The following TIMM44 variants were observed in gnomAD, a reference collection of about 807,000 sequenced individuals.
TIMM44 encodes the protein translocase of inner mitochondrial membrane 44.
TIMM44 carries 37 observed loss-of-function variants against 63.8 expected under a neutral mutation model. The ratio of observed to expected loss-of-function variants is 0.58; its 90% CI spans 0.45 to 0.76. TIMM44 has a LOEUF of 0.76. Ranked by LOEUF, TIMM44 falls within the 30% of genes least tolerant of loss-of-function variation. The pLI is 0.00. For missense variants in TIMM44, 573 were observed against 603.8 expected (o/e 0.95, Z 0.54); for synonymous variants, 239 against 245.1 (o/e 0.98, Z 0.23).
chr19:7,935,468 C>T (rs565507301), intron 3 of TIMM44, among the ~76,000 whole-genome samples: 9 of 152,188 alleles, frequency 5.9e-5, no homozygotes, highest in Admixed American at 2.0e-4. Context: ...CCTGGCCAAC[C>T]GTTGTGTCTT....
At chr19:7,929,075 A>G (rs1489723337) in intron 10 of TIMM44, 1 of 152,256 alleles carries the variant, frequency 6.6e-6, no homozygotes. Flanking sequence ...GAATAGAATT[A>G]GCCAAGAACG....
intron 1 of TIMM44, among the ~76,000 whole-genome samples, chr19:7,942,370 G>T (rs556925486): frequency 6.6e-6 from 1 of 151,912 alleles, no homozygotes; most frequent in East Asian, 1.9e-4. Context: ...CGGAAGGATC[G>T]TTTGAGCTCA....
rs566890278 is a variant in TIMM44, at chr19:7,927,017, G to A, written c.*170C>T. The A allele has an allele frequency of 9.4e-6, 9 of 957,314 alleles. No homozygotes were observed. In the East Asian group the frequency reaches 1.4e-4, roughly 14 times the overall value. 59.3% of individuals were successfully genotyped at this position (957,314 alleles called of 1,614,324 possible). A position where few individuals can be genotyped will look rare whatever the true frequency, so the allele number is the denominator to read the frequency against. On this transcript the variant is annotated 3_prime_UTR_variant, in exon 13 of 13. Coordinates refer to ENST00000270538, the MANE Select transcript of TIMM44 (RefSeq NM_006351.4). ...GAGTGTCTCCAGCTGCCGCGCACCC[G>A]CAACAGCCCGTTGTCCCCTCCCGGG...
chr19:7,932,026 G>A (rs1268115940), intron 9 of TIMM44, among the ~76,000 whole-genome samples: 1 of 152,224 alleles, frequency 6.6e-6, no homozygotes, highest in Non-Finnish European at 1.5e-5. Flanking sequence ...CAGAGGCCTG[G>A]CCCGACTGGG....
At chr19:7,940,778 T>A (rs1810252596) in intron 2 of TIMM44, among the ~76,000 whole-genome samples, 1 of 152,008 alleles carries the variant, frequency 6.6e-6, no homozygotes, top group South Asian at 2.1e-4. Flanking sequence ...CTATGCTTGG[T>A]GAGGTACCCA....
rs140191882 is a variant in TIMM44, at chr19:7,941,102, C to T, written c.141G>A (p.Leu47=). ...GGCCCGAGCATCCTGAGTCACTCAC[C>T]AGTGGCAGCTCTCCGCCCGGCCGGC... is the stretch of plus-strand genomic sequence containing the variant. ...QMRRPGGELP[L]SKSYSSGNRK... Residue 47 remains leucine (L), a splice_region_variant and synonymous_variant, in exon 2 of 13, where the codon CTG becomes CTA. Coordinates refer to ENST00000270538, the MANE Select transcript of TIMM44 (RefSeq NM_006351.4). 5.6e-6 allele frequency: 9 copies of T among 1,613,648 alleles called. No individual in the cohort carries two copies. Among genetic ancestry groups the T allele is most frequent in the Non-Finnish European group, 6.8e-6 (8 of 1,179,676 alleles).
intron 3 of TIMM44, chr19:7,937,681 A>G (rs1984194296): frequency 3.6e-5 from 12 of 331,328 alleles, no homozygotes; most frequent in South Asian, 3.0e-4. Context: ...CCTGGCCTGG[A>G]GAAACCCTGG....
In TIMM44 at chr19:7,927,103, G is replaced by C; in HGVS notation, c.*84C>G. The C allele has an allele frequency of 6.5e-7, 1 of 1,528,364 alleles. No homozygotes were observed. Among genetic ancestry groups the C allele is most frequent in the Non-Finnish European group, 8.8e-7 (1 of 1,138,676 alleles). 94.7% of individuals were successfully genotyped at this position (1,528,364 alleles called of 1,614,324 possible). On this transcript the variant is annotated 3_prime_UTR_variant, in exon 13 of 13. Coordinates refer to ENST00000270538, the MANE Select transcript of TIMM44 (RefSeq NM_006351.4). ...GGCAGAGCCCGCAGTCTTGTTCCCA[G>C]AGGTCTGGAGTTGCCGCAGGTGGTG...
At chr19:7,937,174 G>C (rs912688724) in intron 3 of TIMM44, among the ~76,000 whole-genome samples, 1 of 151,964 alleles carries the variant, frequency 6.6e-6, no homozygotes, top group South Asian at 2.1e-4. Flanking sequence ...AGCTATCCGG[G>C]AGGCTGAGGC....
chr19:7,939,782 G>A (rs962403370), intron 2 of TIMM44, among the ~76,000 whole-genome samples: 2 of 152,062 alleles, frequency 1.3e-5, no homozygotes, highest in South Asian at 2.1e-4. Flanking sequence ...CAGGTGTGGC[G>A]GCGCCTGCCT....
rs190226860 is a variant in TIMM44 at position 7,934,990 on chromosome 19, G to A, written c.393+75C>T. The A allele has an allele frequency of 9.1e-5, 129 of 1,413,154 alleles. No individual in the cohort carries two copies. In the East Asian group the frequency reaches 2.4e-3, roughly 26 times the overall value. The allele number at this position is 1,413,154 out of a possible 1,614,324, so 87.5% of individuals were successfully genotyped here. Reference sequence around the variant, plus strand: ...GCCAAGCCACCCCCACCCAGGAGCCGACTCTTCCTCCAGCCTCCAGCGGCC... The same window carrying A: ...GCCAAGCCACCCCCACCCAGGAGCCAACTCTTCCTCCAGCCTCCAGCGGCC... On this transcript the variant is annotated intron_variant, in intron 4 of 12. Coordinates refer to ENST00000270538, the MANE Select transcript of TIMM44 (RefSeq NM_006351.4). This position sits in a 1 kb window ranked among gnomAD's most constrained non-coding sequence, Gnocchi z 5.3.
intron 10 of TIMM44, among the ~76,000 whole-genome samples, chr19:7,930,303 C>CTTTT (rs71179159): frequency 9.1e-6 from 1 of 109,480 alleles, no homozygotes; most frequent in East Asian, 2.5e-4. Context: ...ATGCTTGGCT[C>CTTTT]TTTTTTTTTT....
Position 7,927,316 on chromosome 19 carries a change from G to C in TIMM44, c.1240-10C>G, listed in dbSNP as rs746119853. On this transcript the variant is annotated splice_polypyrimidine_tract_variant and intron_variant, in intron 12 of 12. Transcript: ENST00000270538. Reference sequence around the variant, plus strand: ...TCCGCAGCACCTTGTCCTGCAGGGTGGGGTGGGAAGGGCACTGTTGAGAGG... The same window carrying C: ...TCCGCAGCACCTTGTCCTGCAGGGTCGGGTGGGAAGGGCACTGTTGAGAGG... 2 of 1,609,226 alleles carry C rather than the reference G, an allele frequency of 1.2e-6. No homozygotes were observed. The highest frequency in any genetic ancestry group is 1.7e-6 in the Non-Finnish European group (2 of 1,179,948).
chr19:7,941,391 G>A (rs533008321), intron 1 of TIMM44, among the ~76,000 whole-genome samples, 194 bp from the exon 2 acceptor site: 3 of 151,504 alleles, frequency 2.0e-5, no homozygotes, highest in African/African-American at 2.4e-5. Context: ...GGGTTCAAGC[G>A]ATTCTCCTGC....
chr19:7,942,101 C>G (rs992089146), intron 1 of TIMM44, among the ~76,000 whole-genome samples: 4 of 152,198 alleles, frequency 2.6e-5, no homozygotes, highest in African/African-American at 9.6e-5. Context: ...GTAATCCCAA[C>G]ACGTTGGGAG....
chr19:7,942,723 G>A (rs1479109210), intron 1 of TIMM44, among the ~76,000 whole-genome samples: 3 of 150,356 alleles, frequency 2.0e-5, no homozygotes, highest in Non-Finnish European at 3.0e-5. Flanking sequence ...TAAAGTGGCA[G>A]GATCTCGGCT....
In TIMM44 at chr19:7,933,702, C is replaced by T. The variant is rs78845055; in HGVS notation, c.684-132G>A. 241,979 of 1,300,732 alleles carry T rather than the reference C, an allele frequency of 0.19. 26,009 individuals carry two copies. The highest frequency in any genetic ancestry group is 0.22 in the Non-Finnish European group (200,364 of 904,958). The allele number at this position is 1,300,732 out of a possible 1,614,324, so 80.6% of individuals were successfully genotyped here. ...TCAAACCTAGGGGCTCTGAGGACCCCGCCCTCACCTCTCACCCTCAAATTC... is the reference window on the plus strand; with the variant it reads ...TCAAACCTAGGGGCTCTGAGGACCCTGCCCTCACCTCTCACCCTCAAATTC... On this transcript the variant is annotated intron_variant, in intron 6 of 12. Transcript: ENST00000270538. This position sits in a 1 kb window ranked among gnomAD's most constrained non-coding sequence, Gnocchi z 4.3.
chr19:7,935,550 A>G (rs536707113), intron 3 of TIMM44, among the ~76,000 whole-genome samples: 263 of 152,272 alleles, frequency 1.7e-3, no homozygotes, highest in African/African-American at 5.8e-3. Flanking sequence ...TCTTCTCCGC[A>G]GCCCCTCCCT....
chr19:7,943,257 G>A lies in TIMM44; in HGVS notation c.45+350C>T, dbSNP rs1485597296. Among the ~76,000 whole-genome samples the A allele has an allele frequency of 6.6e-6, 1 of 152,100 alleles. No homozygotes were observed. Among genetic ancestry groups the A allele is most frequent in the African/African-American group, 2.4e-5 (1 of 41,422 alleles). Reference sequence around the variant, plus strand: ...AGAACTTGGCATTTAACCGCGAGCTGTGAATTTCACGTTTTTTTGCCTTCC... The same window carrying A: ...AGAACTTGGCATTTAACCGCGAGCTATGAATTTCACGTTTTTTTGCCTTCC... On this transcript the variant is annotated intron_variant, in intron 1 of 12. Transcript: ENST00000270538. The surrounding 1 kb of genome is among the most constrained non-coding windows in gnomAD (Gnocchi z 4.3).
Sources: gnomAD v4.1 joint callset for allele counts (sites outside exome capture counted in the v4.1 genomes callset) on GRCh38, gnomAD v4.1.1 for gene constraint, Gnocchi (gnomAD v3.1) non-coding constraint, MANE v1.5 for transcripts, NCBI Gene and HGNC (gene_info 2026-07-23, HGNC 2026-07-21) for gene names.